Variants in CTNNA3 observed in about 807,000 individuals in gnomAD.
CTNNA3 encodes the protein catenin alpha-3.
CTNNA3 carries 76 observed loss-of-function variants against 95.7 expected under a neutral mutation model. That is an observed-to-expected ratio of 0.79 (90% CI 0.66 to 0.96). The LOEUF is 0.96. Ranked by LOEUF, CTNNA3 falls within the 40% of genes least tolerant of loss-of-function variation. The pLI, the probability that CTNNA3 is intolerant of heterozygous loss-of-function variation, is 0.00. For missense variants in CTNNA3, 1,191 were observed against 1,089.8 expected (o/e 1.09, Z -1.31); for synonymous variants, 431 against 374.4 (o/e 1.15, Z -1.74).
At chr10:66,427,887 A>T (rs1035833540) in intron 11 of CTNNA3, among the ~76,000 whole-genome samples, 29 of 152,296 alleles carry the variant, frequency 1.9e-4, no homozygotes, top group African/African-American at 6.7e-4. Flanking sequence ...GACAGGATCA[A>T]ATTCACACAT....
At chr10:66,358,228 C>A (rs1300241119) in intron 12 of CTNNA3, among the ~76,000 whole-genome samples, 1 of 152,128 alleles carries the variant, frequency 6.6e-6, no homozygotes, top group Non-Finnish European at 1.5e-5. Context: ...TCATCCCATA[C>A]CCCTAACCCC....
intron 1 of CTNNA3, among the ~76,000 whole-genome samples, chr10:67,711,322 A>G (rs1216802080): frequency 2.6e-5 from 4 of 152,238 alleles, no homozygotes; most frequent in Admixed American, 6.5e-5. Flanking sequence ...AGGGCTCAGA[A>G]GAAGAAAGAA....
chr10:66,307,863 T>C (rs1378958092), intron 12 of CTNNA3, among the ~76,000 whole-genome samples: 1 of 152,212 alleles, frequency 6.6e-6, no homozygotes, highest in Non-Finnish European at 1.5e-5. Flanking sequence ...TGAACTTGCT[T>C]GTCAAATGTG....
chr10:67,727,200 T>C (rs1270737428), intron 1 of CTNNA3, among the ~76,000 whole-genome samples: 5 of 128,376 alleles, frequency 3.9e-5, no homozygotes, highest in African/African-American at 1.4e-4. Context: ...TATGTGTATA[T>C]ATACCTATAT....
intron 7 of CTNNA3, among the ~76,000 whole-genome samples, chr10:67,071,382 A>G (rs1209342180): frequency 6.8e-6 from 1 of 146,180 alleles, no homozygotes; most frequent in Admixed American, 6.8e-5. Context: ...TTCAATAGAT[A>G]TATTTGTATT....
chr10:67,269,007 G>T (rs1245151919), intron 5 of CTNNA3, among the ~76,000 whole-genome samples: 1 of 152,178 alleles, frequency 6.6e-6, no homozygotes, highest in Non-Finnish European at 1.5e-5. Flanking sequence ...TCCAGACAGA[G>T]AATTATCTAA....
intron 7 of CTNNA3, among the ~76,000 whole-genome samples, chr10:67,077,336 T>C (rs188398864): frequency 1.3e-5 from 2 of 152,300 alleles, no homozygotes; most frequent in East Asian, 1.9e-4. Flanking sequence ...TATGATAAAG[T>C]CTAAATCCTT....
chr10:67,690,171 T>TC (rs1840815168), intron 1 of CTNNA3, among the ~76,000 whole-genome samples: 1 of 152,148 alleles, frequency 6.6e-6, no homozygotes, highest in African/African-American at 2.4e-5. Context: ...CCACAGACCT[T>TC]CACAGTGAGT....
intron 2 of CTNNA3, among the ~76,000 whole-genome samples, chr10:67,641,816 T>A (rs1270196676): frequency 6.6e-6 from 1 of 151,952 alleles, no homozygotes; most frequent in South Asian, 2.1e-4. Flanking sequence ...ATGAGAACAC[T>A]TGGACACAGG....
rs546710007 is a variant in CTNNA3, at chr10:67,480,492, G to A, written c.579+41350C>T. Among the ~76,000 whole-genome samples the A allele has an allele frequency of 1.1e-3, 162 of 152,310 alleles. 1 individual carries two copies. The highest frequency in any genetic ancestry group is 3.7e-3 in the African/African-American group (155 of 41,558). On this transcript the variant is annotated intron_variant, in intron 5 of 17. Coordinates refer to ENST00000433211, the MANE Select transcript of CTNNA3 (RefSeq NM_013266.4). ...TATGATGCCCATGCTGGAAGTTGCC[G>A]GTTTACCAGAATGAGGACAAGGAAC...
intron 15 of CTNNA3, among the ~76,000 whole-genome samples, chr10:66,006,615 C>G (rs759151176): frequency 6.6e-6 from 1 of 152,166 alleles, no homozygotes; most frequent in Non-Finnish European, 1.5e-5. Context: ...CAGCATTAAT[C>G]ATGCACATGA....
intron 7 of CTNNA3, among the ~76,000 whole-genome samples, chr10:67,131,408 T>C (rs1456531094): frequency 6.6e-6 from 1 of 152,114 alleles, no homozygotes; most frequent in Non-Finnish European, 1.5e-5. Flanking sequence ...TTAAACAATA[T>C]CTGGCACAAA....
At chr10:67,126,700 A>T (rs7074592) in intron 7 of CTNNA3, among the ~76,000 whole-genome samples, 2 of 152,124 alleles carry the variant, frequency 1.3e-5, no homozygotes, top group South Asian at 4.1e-4. Flanking sequence ...AAGTGTGGTT[A>T]AGAGATAGGT....
intron 5 of CTNNA3, among the ~76,000 whole-genome samples, chr10:67,470,457 T>TTTTAAAATCAGCTTC (rs1378674588): frequency 2.6e-5 from 4 of 152,204 alleles, no homozygotes; most frequent in Non-Finnish European, 5.9e-5. Context: ...CAAAAGTTCT[T>TTTTAAAATCAGCTTC]TTTAAAATCA....
intron 15 of CTNNA3, among the ~76,000 whole-genome samples, chr10:66,028,296 A>C (rs1442317091): frequency 6.6e-6 from 1 of 152,208 alleles, no homozygotes; most frequent in East Asian, 1.9e-4. Context: ...ACACATGCAC[A>C]CATATGTTTA....
intron 7 of CTNNA3, among the ~76,000 whole-genome samples, chr10:67,011,062 G>T (rs779032307): frequency 2.0e-5 from 3 of 152,120 alleles, no homozygotes; most frequent in Non-Finnish European, 4.4e-5. Context: ...AGGCGCGGTG[G>T]CTCACGCCTG....
At chr10:67,699,187 G>A (rs149480602), upstream of CTNNA3, among the ~76,000 whole-genome samples, 1 of 152,106 alleles carries the variant, frequency 6.6e-6, no homozygotes, top group Non-Finnish European at 1.5e-5. Context: ...TATGCCACAG[G>A]ACTTCTACCT....
chr10:66,476,816 T>C (rs1386290896), intron 11 of CTNNA3, among the ~76,000 whole-genome samples: 1 of 152,084 alleles, frequency 6.6e-6, no homozygotes, highest in African/African-American at 2.4e-5. Flanking sequence ...ACTAGTTTGA[T>C]ATTAATGACT....
chr10:67,172,228 C>T (rs1202012586), intron 7 of CTNNA3, among the ~76,000 whole-genome samples: 1 of 152,188 alleles, frequency 6.6e-6, no homozygotes, highest in Non-Finnish European at 1.5e-5. Flanking sequence ...ACTTGGTGCT[C>T]TTATAGTACT....
Sources: allele counts gnomAD v4.1 joint callset (sites outside exome capture counted in the v4.1 genomes callset), GRCh38; gene constraint gnomAD v4.1.1; transcripts MANE v1.5; gene names NCBI Gene and HGNC (gene_info 2026-07-23, HGNC 2026-07-21).